Variants in SOX6 observed in about 807,000 individuals in gnomAD.
The protein encoded by SOX6 is SRY-box transcription factor 6.
A neutral mutation model predicts 97.8 loss-of-function variants in SOX6; 11 were observed. That is an observed-to-expected ratio of 0.11 (90% CI 0.07 to 0.19). SOX6 has a LOEUF of 0.19. Ranked by LOEUF, SOX6 falls within the 10% of genes least tolerant of loss-of-function variation. The pLI is 1.00. For missense variants in SOX6, 810 were observed against 1,039.5 expected (o/e 0.78, Z 3.04); for synonymous variants, 360 against 371.4 (o/e 0.97, Z 0.35).
At chr11:16,736,911 G>T (rs916548152) in intron 1 of SOX6, among the ~76,000 whole-genome samples, 4 of 151,870 alleles carry the variant, frequency 2.6e-5, no homozygotes, top group Non-Finnish European at 5.9e-5. Flanking sequence ...TCTTTGTTTG[G>T]TTATACTTAT....
intron 1 of SOX6, among the ~76,000 whole-genome samples, chr11:16,426,288 AAAAAAAAAC>A (rs1859129136): frequency 7.7e-6 from 1 of 129,276 alleles, no homozygotes; most frequent in African/African-American, 3.0e-5. Context: ...AAAAAAAAAA[AAAAAAAAAC>A]CACTATTTTA....
At chr11:16,515,232 C>T (rs1171999804) in intron 4 of SOX6, among the ~76,000 whole-genome samples, 1 of 152,058 alleles carries the variant, frequency 6.6e-6, no homozygotes, top group Admixed American at 6.6e-5. Flanking sequence ...TTTTAATGAT[C>T]GCCACTTTAA....
chr11:16,284,700 A>G (rs10832588), intron 3 of SOX6, among the ~76,000 whole-genome samples: 21,081 of 152,054 alleles, frequency 0.14, 2,018 homozygotes, highest in East Asian at 0.27. Flanking sequence ...TAGAAGAGCT[A>G]TGATCCAGGA....
At chr11:16,285,628 G>A (rs1273669870) in intron 3 of SOX6, among the ~76,000 whole-genome samples, 1 of 152,080 alleles carries the variant, frequency 6.6e-6, no homozygotes, top group African/African-American at 2.4e-5. Context: ...CTGTCACTGT[G>A]CTTAATATGC....
intron 7 of SOX6, among the ~76,000 whole-genome samples, chr11:16,107,290 C>T (rs1849111815): frequency 6.6e-6 from 1 of 151,006 alleles, no homozygotes; most frequent in South Asian, 2.1e-4. Context: ...TTTCTATAAC[C>T]ATATTCACAG....
At chr11:16,090,019 T>C (rs538265745) in intron 9 of SOX6, among the ~76,000 whole-genome samples, 23 of 152,196 alleles carry the variant, frequency 1.5e-4, no homozygotes, top group Non-Finnish European at 2.1e-4. Flanking sequence ...AGATATATGA[T>C]ACATAATATC....
At chr11:16,056,265 G>A (rs1349334220) in intron 9 of SOX6, among the ~76,000 whole-genome samples, 1 of 151,956 alleles carries the variant, frequency 6.6e-6, no homozygotes, top group Non-Finnish European at 1.5e-5. Flanking sequence ...TGTCTGGGAT[G>A]TCCACTTGTT....
chr11:15,986,263 C>T lies in SOX6; in HGVS notation c.2124G>A (p.Gly708=). Residue 708 remains glycine, a synonymous_variant, in exon 15 of 16, where the codon GGG becomes GGA. Coordinates refer to ENST00000683767, the MANE Select transcript of SOX6 (RefSeq NM_001367873.1). ...GAGACCTCATCAGTTGCTTATACTC[C>T]CCAATCCGAAGCTTTTTGCCATCAA... is the stretch of plus-strand genomic sequence containing the variant. ...CIVDGKKLRI[G]EYKQLMRSRR... 3 of 1,614,114 alleles carry T rather than the reference C, an allele frequency of 1.9e-6. No homozygotes were observed. The highest frequency in any genetic ancestry group is 1.7e-6 in the Non-Finnish European group (2 of 1,180,008).
chr11:16,557,450 A>T (rs1847762317), intron 4 of SOX6, among the ~76,000 whole-genome samples: 1 of 151,804 alleles, frequency 6.6e-6, no homozygotes, highest in Non-Finnish European at 1.5e-5. Flanking sequence ...ATCCTCTGAA[A>T]TGTCCTCCCC....
intron 2 of SOX6, among the ~76,000 whole-genome samples, chr11:16,730,110 C>T (rs1161821647): frequency 1.3e-5 from 2 of 151,248 alleles, no homozygotes; most frequent in African/African-American, 4.9e-5. Context: ...TTCTTAGAGA[C>T]CTACAAAGGG....
chr11:16,606,276 T>C (rs1336658743), intron 4 of SOX6, among the ~76,000 whole-genome samples: 1 of 151,424 alleles, frequency 6.6e-6, no homozygotes, highest in Non-Finnish European at 1.5e-5. Context: ...TATCGCGAAA[T>C]AAGAGGTGGT....
At chr11:16,153,960 T>G (rs527351813) in intron 6 of SOX6, among the ~76,000 whole-genome samples, 3 of 152,318 alleles carry the variant, frequency 2.0e-5, no homozygotes, top group African/African-American at 7.2e-5. Context: ...TCTACTTTTC[T>G]GAAAACAAAA....
At chr11:16,246,546 T>G (rs1853342094) in intron 3 of SOX6, among the ~76,000 whole-genome samples, 1 of 151,948 alleles carries the variant, frequency 6.6e-6, no homozygotes, top group African/African-American at 2.4e-5. Context: ...TTTTAGGACC[T>G]CAAAGTATGT....
chr11:16,103,866 T>C lies in SOX6; in HGVS notation c.899-6178A>G, dbSNP rs1431622249. 3.3e-5 allele frequency among the ~76,000 whole-genome samples: 5 copies of C among 149,636 alleles called. No individual in the cohort carries two copies. The East Asian group carries it at 9.9e-4, about 30-fold the overall frequency. The stretch of plus-strand genomic sequence containing the variant: ...AGAATGACACATTGAACTTTGGGGA[T>C]TGGGGGAAAGGTTGGGGGATAGCGA... On this transcript the variant is annotated intron_variant, in intron 7 of 15. Coordinates refer to ENST00000683767, the MANE Select transcript of SOX6 (RefSeq NM_001367873.1).
chr11:16,727,757 G>A (rs1186356672), intron 2 of SOX6, among the ~76,000 whole-genome samples: 5 of 151,890 alleles, frequency 3.3e-5, no homozygotes, highest in Admixed American at 6.6e-5. Context: ...TTTTATAACC[G>A]ACAAGAACAA....
At chr11:16,373,118 T>C (rs982849934) in intron 1 of SOX6, among the ~76,000 whole-genome samples, 8 of 152,096 alleles carry the variant, frequency 5.3e-5, no homozygotes, top group Admixed American at 3.3e-4. Context: ...TGAATACATA[T>C]ACTTCTATAA....
intron 6 of SOX6, among the ~76,000 whole-genome samples, chr11:16,142,140 C>G (rs1284757011): frequency 6.6e-6 from 1 of 152,088 alleles, no homozygotes; most frequent in Admixed American, 6.6e-5. Flanking sequence ...GCCAGGCACC[C>G]CTCTGAGACA....
chr11:16,725,085 A>G (rs1419398537), intron 2 of SOX6, among the ~76,000 whole-genome samples: 1 of 152,262 alleles, frequency 6.6e-6, no homozygotes, highest in Admixed American at 6.5e-5. Flanking sequence ...AGCATTATTC[A>G]TAATAGAAAA....
At chr11:16,478,624 C>T (rs145660344), upstream of SOX6, among the ~76,000 whole-genome samples, 12 of 152,190 alleles carry the variant, frequency 7.9e-5, no homozygotes, top group East Asian at 1.5e-3. Flanking sequence ...ATAATAAGTT[C>T]CTATGGTCAA....
Sources: allele counts gnomAD v4.1 joint callset (sites outside exome capture counted in the v4.1 genomes callset), GRCh38; gene constraint gnomAD v4.1.1; transcripts MANE v1.5; gene names NCBI Gene and HGNC (gene_info 2026-07-23, HGNC 2026-07-21).